Variants in SAXO1 observed in about 807,000 individuals in gnomAD.
The protein encoded by SAXO1 is stabilizer of axonemal microtubules 1.
Under a neutral mutation model 17.5 loss-of-function variants are expected in SAXO1, and 21 were observed. The ratio of observed to expected loss-of-function variants is 1.20; its 90% CI spans 0.85 to 1.72. The LOEUF (loss-of-function observed/expected upper bound fraction) is 1.72. Ranked by LOEUF, SAXO1 falls within the 40% of genes most tolerant of loss-of-function variation. The pLI is 0.00. For synonymous variants in SAXO1, 274 were observed against 216.5 expected (o/e 1.27, Z -2.33); for missense variants, 843 against 596.0 (o/e 1.41, Z -4.32).
chr9:18,993,224 A>G (rs1299840179), intron 1 of SAXO1, among the ~76,000 whole-genome samples: 1 of 151,862 alleles, frequency 6.6e-6, no homozygotes, highest in African/African-American at 2.4e-5. Flanking sequence ...TCTAGGTTTT[A>G]AGCCCCGCAT....
intron 1 of SAXO1, among the ~76,000 whole-genome samples, chr9:19,009,060 A>G (rs987369347): frequency 1.3e-5 from 2 of 152,170 alleles, no homozygotes; most frequent in African/African-American, 2.4e-5. Context: ...AAATAAACAA[A>G]TATAATTTAT....
chr9:18,986,120 G>A (rs1360868969), intron 1 of SAXO1, among the ~76,000 whole-genome samples: 2 of 152,050 alleles, frequency 1.3e-5, no homozygotes, highest in Non-Finnish European at 2.9e-5. Flanking sequence ...TTCTAGCTTT[G>A]GGTCCTTCTG....
chr9:18,980,713 T>C (rs186675255), intron 1 of SAXO1, among the ~76,000 whole-genome samples: 8 of 147,906 alleles, frequency 5.4e-5, no homozygotes, highest in African/African-American at 2.0e-4. Context: ...AAATCCTATA[T>C]GTCTTATAAT....
In SAXO1 at chr9:19,024,117, C is replaced by T. The variant is rs1346665072; in HGVS notation, c.38+8754G>A. ...CCATGGCTCTTTGCTGGCGAGTTCA[C>T]ATTCTGAGACATGTAAGAGTCCCTC... On this transcript the variant is annotated intron_variant, in intron 1 of 3. Coordinates refer to ENST00000380534, the MANE Select transcript of SAXO1 (RefSeq NM_153707.4). 3.0e-5 allele frequency among the ~76,000 whole-genome samples: 4 copies of T among 131,872 alleles called. No individual in the cohort carries two copies. In the East Asian group the frequency reaches 7.5e-4, roughly 25 times the overall value. 86.5% of individuals were successfully genotyped at this position (131,872 alleles called of 152,430 possible). A position where few individuals can be genotyped will look rare whatever the true frequency, so the allele number is the denominator to read the frequency against.
intron 2 of SAXO1, among the ~76,000 whole-genome samples, chr9:18,949,993 T>C (rs1831963587): frequency 6.6e-6 from 1 of 152,122 alleles, no homozygotes; most frequent in African/African-American, 2.4e-5. Context: ...ACTGCCCAAC[T>C]GCACTCAAAG....
intron 1 of SAXO1, among the ~76,000 whole-genome samples, chr9:19,043,111 G>A (rs887094453): frequency 2.0e-5 from 3 of 152,082 alleles, no homozygotes; most frequent in Non-Finnish European, 4.4e-5. Context: ...GGCAGAGGTT[G>A]CAGTGAACCA....
chr9:18,927,919 G>A lies in SAXO1; in HGVS notation c.*133C>T. 2.1e-6 allele frequency: 2 copies of A among 940,286 alleles called. No homozygotes were observed. Among genetic ancestry groups the A allele is most frequent in the East Asian group, 5.0e-5 (2 of 40,182 alleles). The allele number at this position is 940,286 out of a possible 1,614,324, so 58.2% of individuals were successfully genotyped here. On this transcript the variant is annotated 3_prime_UTR_variant, in exon 4 of 4. Coordinates refer to ENST00000380534, the MANE Select transcript of SAXO1 (RefSeq NM_153707.4). Reference sequence around the variant, plus strand: ...CAAGTGATTCTCATTTTATTCAAGTGCTCTGGAAGTGGTGAAGGTTTTTTG... The same window carrying A: ...CAAGTGATTCTCATTTTATTCAAGTACTCTGGAAGTGGTGAAGGTTTTTTG...
At chr9:19,027,459 G>T in intron 1 of SAXO1, 1 of 774,846 alleles carries the variant, frequency 1.3e-6, no homozygotes, top group South Asian at 1.4e-5. Context: ...TCTTGTCAAT[G>T]AACCACAAGG....
chr9:18,969,168 G>A (rs80324325), intron 1 of SAXO1, among the ~76,000 whole-genome samples: 6,352 of 152,186 alleles, frequency 0.042, 134 homozygotes, highest in Middle Eastern at 0.088. Context: ...GAGGCTAATA[G>A]GCTTTAGTCC....
At chr9:18,987,080 A>G (rs182408540) in intron 1 of SAXO1, among the ~76,000 whole-genome samples, 3 of 152,284 alleles carry the variant, frequency 2.0e-5, no homozygotes, top group Admixed American at 2.0e-4. Flanking sequence ...GCACACAAGC[A>G]CTCCATGAAT....
chr9:18,996,707 C>G (rs550731440), intron 1 of SAXO1, among the ~76,000 whole-genome samples: 3 of 152,044 alleles, frequency 2.0e-5, no homozygotes, highest in Non-Finnish European at 4.4e-5. Flanking sequence ...ATAAAGGCCA[C>G]GGATGAAAAA....
intron 1 of SAXO1, among the ~76,000 whole-genome samples, chr9:18,980,031 A>T (rs1242272900): frequency 6.6e-6 from 1 of 151,954 alleles, no homozygotes; most frequent in Non-Finnish European, 1.5e-5. Flanking sequence ...TAACTTTCTG[A>T]AACGGGGTGT....
chr9:19,012,714 T>C (rs1437800790), intron 1 of SAXO1, among the ~76,000 whole-genome samples: 6 of 151,846 alleles, frequency 4.0e-5, no homozygotes, highest in Non-Finnish European at 8.8e-5. Context: ...ATATTTTGGC[T>C]TACTTTTAAT....
chr9:19,042,400 T>TA (rs1450037757), intron 1 of SAXO1, among the ~76,000 whole-genome samples: 1 of 152,154 alleles, frequency 6.6e-6, no homozygotes, highest in African/African-American at 2.4e-5. Flanking sequence ...CTTAAAAAGC[T>TA]AAAAATGGTA....
intron 1 of SAXO1, among the ~76,000 whole-genome samples, chr9:19,047,453 T>C (rs1367378298): frequency 2.6e-5 from 4 of 152,032 alleles, no homozygotes; most frequent in African/African-American, 9.7e-5. Context: ...ATAGAGGAAA[T>C]ACATCATCAA....
intron 1 of SAXO1, among the ~76,000 whole-genome samples, chr9:19,008,988 T>C (rs1834606775): frequency 6.6e-6 from 1 of 152,220 alleles, no homozygotes; most frequent in South Asian, 2.1e-4. Context: ...TGGGTCAGTT[T>C]AGTCCAAATT....
chr9:19,027,888 T>C, intron 1 of SAXO1: 1 of 1,368,974 alleles, frequency 7.3e-7, no homozygotes, highest in Non-Finnish European at 1.0e-6. Flanking sequence ...GACCGCAAGA[T>C]CGAGTGCCTG....
chr9:19,032,023 C>T (rs369021106), intron 1 of SAXO1, among the ~76,000 whole-genome samples: 1 of 152,180 alleles, frequency 6.6e-6, no homozygotes, highest in Non-Finnish European at 1.5e-5. Flanking sequence ...TTAACTCTTA[C>T]AATAGTCCTA....
intron 1 of SAXO1, among the ~76,000 whole-genome samples, chr9:18,984,982 G>C (rs893377771): frequency 6.6e-6 from 1 of 152,040 alleles, no homozygotes; most frequent in African/African-American, 2.4e-5. Context: ...AAACCACTAA[G>C]TGCTTTAATT....
Sources: allele counts gnomAD v4.1 joint callset (sites outside exome capture counted in the v4.1 genomes callset), GRCh38; gene constraint gnomAD v4.1.1; transcripts MANE v1.5; gene names NCBI Gene and HGNC (gene_info 2026-07-23, HGNC 2026-07-21).